The following ATF6 variants were observed in gnomAD, a reference collection of about 807,000 sequenced individuals.
ATF6 encodes the protein cyclic AMP-dependent transcription factor ATF-6 alpha.
Under a neutral mutation model 83.6 loss-of-function variants are expected in ATF6, and 53 were observed. The observed-to-expected ratio is 0.63, with a 90% confidence interval of 0.51 to 0.80. The LOEUF (loss-of-function observed/expected upper bound fraction) is 0.80, where lower values mean the gene tolerates loss of function less well. ATF6 is among the 30% of genes least tolerant of loss of function. ATF6 has a pLI of 0.00. For synonymous variants in ATF6, 288 were observed against 285.8 expected, an observed-to-expected ratio of 1.01 and a Z score of -0.08; for missense variants, 744 against 797.9, an observed-to-expected ratio of 0.93 and a Z score of 0.81.
chr1:161,912,219 T>C, intron 14 of ATF6, 77 bp from the exon 15 acceptor site: 1 of 907,434 alleles, frequency 1.1e-6, no homozygotes, highest in South Asian at 2.0e-5. Context: ...TATTGACCTC[T>C]TAGAAGCCCT....
intron 4 of ATF6, among the ~76,000 whole-genome samples, chr1:161,790,671 C>T (rs141695211): frequency 2.6e-5 from 4 of 152,108 alleles, no homozygotes; most frequent in East Asian, 1.9e-4. Context: ...CTTAGCAAGG[C>T]GTGGTGGCAC....
At position 161,960,091 on chromosome 1, in the gene ATF6, A is replaced by G. The variant is rs565728088; in HGVS notation, c.*1437A>G. The stretch of plus-strand genomic sequence containing the variant: ...AAATCTTTTGTCCTCCCATGGTTAA[A>G]AAAAAAAAAAAAGCTGTGTTCATTT... On this transcript the variant is annotated 3_prime_UTR_variant, in exon 16 of 16. Transcript: ENST00000367942. 1 of 146,734 alleles carries G rather than the reference A, an allele frequency of 6.8e-6. No individual in the cohort carries two copies. The highest frequency in any genetic ancestry group is 2.0e-4 in the East Asian group (1 of 5,118). The allele number at this position is 146,734 out of a possible 1,614,324, so 9.1% of individuals were successfully genotyped here.
At chr1:161,781,218 A>G (rs1369246162) in intron 2 of ATF6, among the ~76,000 whole-genome samples, 1 of 152,212 alleles carries the variant, frequency 6.6e-6, no homozygotes, top group African/African-American at 2.4e-5. Context: ...TTGGTTAGAA[A>G]AACCACCTAA....
intron 14 of ATF6, among the ~76,000 whole-genome samples, chr1:161,870,784 T>C (rs1687106784): frequency 6.6e-6 from 1 of 151,854 alleles, no homozygotes; most frequent in Admixed American, 6.6e-5. Context: ...AGTAGACTTG[T>C]ATATAGCCAC....
intron 2 of ATF6, 110 bp downstream of exon 2, chr1:161,778,430 A>G: frequency 1.3e-6 from 1 of 747,810 alleles, no homozygotes. Flanking sequence ...TACATACTTA[A>G]TGGTAAATAG....
intron 15 of ATF6, among the ~76,000 whole-genome samples, chr1:161,944,995 A>G (rs1402033509): frequency 6.6e-6 from 1 of 152,226 alleles, no homozygotes; most frequent in African/African-American, 2.4e-5. Flanking sequence ...TTTCTTCATT[A>G]AAAATTCCCT....
intron 14 of ATF6, among the ~76,000 whole-genome samples, chr1:161,888,042 AT>A (rs1465880124): frequency 1.3e-5 from 2 of 152,208 alleles, no homozygotes. Context: ...AGGGGCTGTT[AT>A]TTTCCTATCA....
intron 14 of ATF6, among the ~76,000 whole-genome samples, chr1:161,900,081 G>A (rs536932459): frequency 2.0e-5 from 3 of 151,968 alleles, no homozygotes; most frequent in South Asian, 2.1e-4. Context: ...ACATCACTAC[G>A]ACCACCATCA....
chr1:161,790,231 T>A (rs1357314287), intron 4 of ATF6, among the ~76,000 whole-genome samples: 1 of 152,162 alleles, frequency 6.6e-6, no homozygotes, highest in Non-Finnish European at 1.5e-5. Context: ...GTGTTCTGAC[T>A]TAAGAGGGTC....
chr1:161,782,605 T>G (rs1286362926), intron 3 of ATF6, among the ~76,000 whole-genome samples: 1 of 152,172 alleles, frequency 6.6e-6, no homozygotes, highest in Non-Finnish European at 1.5e-5. Flanking sequence ...ATAATTTATA[T>G]CACCGATTAT....
intron 9 of ATF6, among the ~76,000 whole-genome samples, chr1:161,822,704 C>T (rs1050649071): frequency 6.6e-6 from 1 of 151,854 alleles, no homozygotes; most frequent in Non-Finnish European, 1.5e-5. Context: ...ATGTTAGGTG[C>T]CATGAAGGAA....
chr1:161,885,899 T>G (rs1206237193), intron 14 of ATF6, among the ~76,000 whole-genome samples: 1 of 152,190 alleles, frequency 6.6e-6, no homozygotes, highest in Non-Finnish European at 1.5e-5. Context: ...ATACTGAGAT[T>G]ATAAATAAAA....
At chr1:161,878,471 G>C (rs1467986867) in intron 14 of ATF6, among the ~76,000 whole-genome samples, 1 of 152,116 alleles carries the variant, frequency 6.6e-6, no homozygotes, top group African/African-American at 2.4e-5. Context: ...ATCAAGAAGA[G>C]AGTATATAGA....
intron 14 of ATF6, among the ~76,000 whole-genome samples, chr1:161,866,477 A>G (rs2101842936): frequency 6.6e-6 from 1 of 152,366 alleles, no homozygotes; most frequent in South Asian, 2.1e-4. Flanking sequence ...ACAAAGGTCC[A>G]AAGTGCTTCT....
chr1:161,767,251 G>A (rs1194551542), intron 1 of ATF6, among the ~76,000 whole-genome samples: 3 of 152,174 alleles, frequency 2.0e-5, no homozygotes, highest in African/African-American at 4.8e-5. Context: ...CCACTCATCA[G>A]CCTTGGAACT....
intron 14 of ATF6, among the ~76,000 whole-genome samples, chr1:161,890,046 ACT>A (rs1179516605): frequency 1.3e-5 from 2 of 152,184 alleles, no homozygotes; most frequent in African/African-American, 2.4e-5. Flanking sequence ...ATTTTTGTGA[ACT>A]CTCTGAGAAC....
intron 15 of ATF6, among the ~76,000 whole-genome samples, chr1:161,943,961 C>T (rs958975095): frequency 6.6e-6 from 1 of 152,200 alleles, no homozygotes; most frequent in African/African-American, 2.4e-5. Flanking sequence ...TTGTTCACTT[C>T]TCCACTCCAG....
At position 161,829,189 on chromosome 1, in the gene ATF6, C is replaced by CTT. The variant is rs35619050; in HGVS notation, c.1187+8052_1187+8053dup. On this transcript the variant is annotated intron_variant, in intron 9 of 15. Coordinates refer to ENST00000367942, the MANE Select transcript of ATF6 (RefSeq NM_007348.4). ...ACTCCCACACAATCATAATGGGAGACTTTTTTTTTTTTTTTTTTTTTTTTT... is the reference window on the plus strand; with the variant it reads ...ACTCCCACACAATCATAATGGGAGACTTTTTTTTTTTTTTTTTTTTTTTTTTT... Among the ~76,000 whole-genome samples, 555 of 72,512 alleles carry CTT rather than the reference C, an allele frequency of 7.7e-3. 5 individuals are homozygous for CTT. Among genetic ancestry groups the CTT allele is most frequent in the East Asian group, 0.01 (18 of 1,754 alleles). The allele number at this position is 72,512 out of a possible 152,430, so 47.6% of individuals were successfully genotyped here.
intron 14 of ATF6, among the ~76,000 whole-genome samples, chr1:161,911,192 G>A (rs900907982): frequency 2.0e-5 from 3 of 152,108 alleles, no homozygotes; most frequent in African/African-American, 7.2e-5. Flanking sequence ...ATGAACACAG[G>A]AACAAGAAAA....
Sources: allele counts gnomAD v4.1 joint callset (sites outside exome capture counted in the v4.1 genomes callset), GRCh38; gene constraint gnomAD v4.1.1; transcripts MANE v1.5; gene names NCBI Gene and HGNC (gene_info 2026-07-23, HGNC 2026-07-21).